MED13L: variants seen among roughly 807,000 people sequenced by gnomAD.
The protein encoded by MED13L is mediator complex subunit 13L.
Under a neutral mutation model 220.9 loss-of-function variants are expected in MED13L, and 7 were observed. The observed-to-expected ratio is 0.03, with a 90% CI of 0.02 to 0.06. The LOEUF (loss-of-function observed/expected upper bound fraction) is 0.06, where lower values mean the gene tolerates loss of function less well. MED13L is among the 10% of genes least tolerant of loss of function. The pLI, the probability that MED13L is intolerant of heterozygous loss-of-function variation, is 1.00. For missense variants in MED13L, 1,965 were observed against 2,760.5 expected (o/e 0.71, Z 6.46); for synonymous variants, 1,011 against 1,015.2 (o/e 1.00, Z 0.08).
chr12:116,037,001 C>T (rs184501191), intron 4 of MED13L, among the ~76,000 whole-genome samples: 5 of 152,226 alleles, frequency 3.3e-5, no homozygotes, highest in Admixed American at 3.3e-4. Flanking sequence ...GATTACAAGG[C>T]AATGAAAACG....
At chr12:116,094,852 T>C (rs1376994093) in intron 4 of MED13L, among the ~76,000 whole-genome samples, 1 of 152,134 alleles carries the variant, frequency 6.6e-6, no homozygotes, top group Non-Finnish European at 1.5e-5. Context: ...TCTGTAAATT[T>C]AAGGAGAATG....
intron 3 of MED13L, among the ~76,000 whole-genome samples, chr12:116,103,316 G>C (rs896366320): frequency 2.0e-5 from 3 of 152,218 alleles, no homozygotes; most frequent in Admixed American, 6.5e-5. Context: ...TGCTGTGGCA[G>C]ATCAGAGCTC....
intron 4 of MED13L, among the ~76,000 whole-genome samples, chr12:116,070,443 A>G (rs1870278771): frequency 1.3e-5 from 2 of 152,208 alleles, no homozygotes. Context: ...TTTCATCTCC[A>G]TAATCCTAAA....
At chr12:116,034,345 T>G (rs1376041614) in intron 4 of MED13L, among the ~76,000 whole-genome samples, 1 of 152,080 alleles carries the variant, frequency 6.6e-6, no homozygotes, top group Non-Finnish European at 1.5e-5. Context: ...GGCATTTTAC[T>G]AGAAGACTCA....
chr12:116,032,879 AG>A (rs1880938570), intron 4 of MED13L, among the ~76,000 whole-genome samples: 1 of 152,138 alleles, frequency 6.6e-6, no homozygotes, highest in African/African-American at 2.4e-5. Context: ...TGAGAGTGAC[AG>A]GAAGGAGGAG....
At chr12:116,243,162 C>G (rs1344801910) in intron 1 of MED13L, among the ~76,000 whole-genome samples, 3 of 147,526 alleles carry the variant, frequency 2.0e-5, no homozygotes, top group Admixed American at 6.8e-5. Flanking sequence ...ATATGTACAA[C>G]GAACCAACAA....
At chr12:116,189,711 A>T (rs542343907) in intron 2 of MED13L, among the ~76,000 whole-genome samples, 61 of 152,336 alleles carry the variant, frequency 4.0e-4, no homozygotes, top group African/African-American at 1.4e-3. Flanking sequence ...CAACCACTCC[A>T]ATAGCAATGG....
chr12:116,143,377 G>A (rs1877248047), intron 2 of MED13L, among the ~76,000 whole-genome samples: 1 of 150,986 alleles, frequency 6.6e-6, no homozygotes, highest in African/African-American at 2.4e-5. Flanking sequence ...AAGAATGAAT[G>A]AATGATTACC....
chr12:116,205,362 G>C (rs1227073550), intron 2 of MED13L, among the ~76,000 whole-genome samples: 1 of 151,224 alleles, frequency 6.6e-6, no homozygotes, highest in Non-Finnish European at 1.5e-5. Context: ...CACTCAATGA[G>C]ACTCAAACAG....
chr12:116,066,268 G>T (rs1695870056), intron 4 of MED13L, among the ~76,000 whole-genome samples: 1 of 152,198 alleles, frequency 6.6e-6, no homozygotes, highest in South Asian at 2.1e-4. Context: ...ATTTTTCAAT[G>T]AGGATGCTAA....
chr12:116,038,170 T>G (rs1057088622), intron 4 of MED13L, among the ~76,000 whole-genome samples: 3 of 150,704 alleles, frequency 2.0e-5, no homozygotes, highest in South Asian at 2.1e-4. Flanking sequence ...ATGCTTGGAA[T>G]TCTTTTTTTT....
intron 4 of MED13L, among the ~76,000 whole-genome samples, chr12:116,077,212 T>C (rs1046713562): frequency 3.9e-5 from 6 of 152,258 alleles, no homozygotes; most frequent in African/African-American, 1.4e-4. Flanking sequence ...AAGATACTAA[T>C]TATAACAATG....
chr12:115,977,865 C>T (rs966687067), intron 23 of MED13L, among the ~76,000 whole-genome samples: 3 of 152,098 alleles, frequency 2.0e-5, no homozygotes, highest in African/African-American at 7.2e-5. Flanking sequence ...CACGGTGGCA[C>T]ATGCCTGTAG....
intron 25 of MED13L, among the ~76,000 whole-genome samples, chr12:115,974,042 TAA>T (rs35316617): frequency 1.4e-5 from 2 of 145,254 alleles, no homozygotes; most frequent in Non-Finnish European, 3.0e-5. Flanking sequence ...GAATTTCCTA[TAA>T]AAAAAAAAAG....
chr12:115,987,526 G>C (rs1285257081), intron 17 of MED13L, among the ~76,000 whole-genome samples: 1 of 152,128 alleles, frequency 6.6e-6, no homozygotes, highest in Non-Finnish European at 1.5e-5. Context: ...ATATAAAAAA[G>C]TTTAATGGAA....
intron 2 of MED13L, among the ~76,000 whole-genome samples, chr12:116,197,761 G>A (rs1271836171): frequency 6.0e-5 from 9 of 149,346 alleles, no homozygotes; most frequent in African/African-American, 1.7e-4. Context: ...GTGAAACTCC[G>A]TCTCAAAAAA....
At chr12:116,155,363 C>CA (rs1337640586) in intron 2 of MED13L, among the ~76,000 whole-genome samples, 1 of 152,134 alleles carries the variant, frequency 6.6e-6, no homozygotes, top group Non-Finnish European at 1.5e-5. Flanking sequence ...TTCCAGACTG[C>CA]AGTGAGCCAT....
chr12:116,024,781 G>GC (rs1293024309), intron 4 of MED13L, among the ~76,000 whole-genome samples: 1 of 79,136 alleles, frequency 1.3e-5, no homozygotes, highest in African/African-American at 4.4e-5. Context: ...GGCGGGGGGG[G>GC]GGGGGAGGTG....
chr12:116,140,866 C>T (rs1378491226), intron 2 of MED13L, among the ~76,000 whole-genome samples: 1 of 152,180 alleles, frequency 6.6e-6, no homozygotes, highest in Non-Finnish European at 1.5e-5. Context: ...TGATAGTCAT[C>T]ACATTTAATC....
Sources: allele counts gnomAD v4.1 joint callset (sites outside exome capture counted in the v4.1 genomes callset), GRCh38; gene constraint gnomAD v4.1.1; transcripts MANE v1.5; gene names NCBI Gene and HGNC (gene_info 2026-07-23, HGNC 2026-07-21).